The following BNC2 variants were observed in gnomAD, a reference collection of about 807,000 sequenced individuals.
BNC2 encodes zinc finger protein basonuclin-2.
A neutral mutation model predicts 76.3 loss-of-function variants in BNC2; 20 were observed. The ratio of observed to expected loss-of-function variants is 0.26; its 90% CI spans 0.18 to 0.38. The LOEUF is 0.38. BNC2 is among the 10% of genes least tolerant of loss of function. The pLI is 1.00. For synonymous variants in BNC2, 582 were observed against 514.8 expected (o/e 1.13, Z -1.77); for missense variants, 1,382 against 1,399.8 (o/e 0.99, Z 0.20).
chr9:16,727,765 GAAAA>G, intron 3 of BNC2, 28 bp downstream of exon 3: 1 of 1,505,056 alleles, frequency 6.6e-7, no homozygotes, highest in Non-Finnish European at 9.1e-7. Flanking sequence ...TTAAAAAAAA[GAAAA>G]AAAAAATCAA....
intron 3 of BNC2, among the ~76,000 whole-genome samples, chr9:16,712,152 C>T (rs10283606): frequency 0.87 from 133,168 of 152,220 alleles, 58,618 homozygotes; most frequent in Non-Finnish European, 0.93. Flanking sequence ...AGTTTACACA[C>T]GCAAAACACA....
At chr9:16,744,545 T>C (rs1563923821) in intron 1 of BNC2, among the ~76,000 whole-genome samples, 1 of 152,228 alleles carries the variant, frequency 6.6e-6, no homozygotes, top group Non-Finnish European at 1.5e-5. Flanking sequence ...CAAGTACTTA[T>C]CTCTGTCTTC....
chr9:16,660,918 C>T (rs777904905), intron 3 of BNC2, among the ~76,000 whole-genome samples: 12 of 151,984 alleles, frequency 7.9e-5, no homozygotes, highest in Non-Finnish European at 1.8e-4. Context: ...CATAGTAATG[C>T]CATTTATAAG....
At position 16,860,217 on chromosome 9, in the gene BNC2, G is replaced by A. The variant is rs77956438; in HGVS notation, c.3+10429C>T. ...AGTCAACTTCTAAGGAACTAAGAAT[G>A]GCTAAAACAATCTTGAAAAAGAAGA... On this transcript the variant is annotated intron_variant, in intron 1 of 6. Coordinates refer to ENST00000380672, the MANE Select transcript of BNC2 (RefSeq NM_017637.6). Among the ~76,000 whole-genome samples, 1,064 of 152,198 alleles carry A rather than the reference G, an allele frequency of 7.0e-3. 12 individuals carry two copies. The highest frequency in any genetic ancestry group is 0.025 in the African/African-American group (1,018 of 41,530).
chr9:16,520,678 T>C (rs1168931577), intron 5 of BNC2, among the ~76,000 whole-genome samples: 4 of 152,174 alleles, frequency 2.6e-5, no homozygotes, highest in Non-Finnish European at 5.9e-5. Flanking sequence ...TCTGAATCCA[T>C]ATCATTCCTG....
chr9:16,530,807 G>A (rs529173543), intron 5 of BNC2, among the ~76,000 whole-genome samples: 3 of 152,284 alleles, frequency 2.0e-5, no homozygotes, highest in African/African-American at 7.2e-5. Context: ...CTGACGCACG[G>A]CCAGCCAGCA....
chr9:16,809,265 T>C (rs1429225749), intron 1 of BNC2, among the ~76,000 whole-genome samples: 1 of 152,066 alleles, frequency 6.6e-6, no homozygotes, highest in Non-Finnish European at 1.5e-5. Flanking sequence ...CCTGGATCAC[T>C]CTCTGATGAC....
chr9:16,821,630 G>A (rs758538858), intron 1 of BNC2, among the ~76,000 whole-genome samples: 21 of 152,242 alleles, frequency 1.4e-4, no homozygotes, highest in South Asian at 8.3e-4. Context: ...AAGTTGCAAG[G>A]AGCTTGGGAA....
chr9:16,676,338 T>C (rs904158114), intron 3 of BNC2, among the ~76,000 whole-genome samples: 1 of 152,212 alleles, frequency 6.6e-6, no homozygotes, highest in African/African-American at 2.4e-5. Context: ...ACAAAATCCA[T>C]GCATAGGCAC....
At chr9:16,552,461 C>T (rs1337965264) in intron 5 of BNC2, 69 bp downstream of exon 5, 2 of 1,372,830 alleles carry the variant, frequency 1.5e-6, no homozygotes, top group African/African-American at 1.4e-5. Context: ...CGAGGTTTGT[C>T]AAGGACTCTC....
At chr9:16,627,740 T>C (rs1821039536) in intron 3 of BNC2, among the ~76,000 whole-genome samples, 1 of 152,180 alleles carries the variant, frequency 6.6e-6, no homozygotes, top group Non-Finnish European at 1.5e-5. Context: ...AAGAGTTCAC[T>C]CCAGTTAAAG....
At chr9:16,641,958 G>A (rs1821503047) in intron 3 of BNC2, among the ~76,000 whole-genome samples, 2 of 152,124 alleles carry the variant, frequency 1.3e-5, no homozygotes, top group Admixed American at 1.3e-4. Flanking sequence ...AAAAGTCACA[G>A]GCAAATATCT....
intron 3 of BNC2, among the ~76,000 whole-genome samples, chr9:16,675,145 C>G (rs908413169): frequency 1.3e-5 from 2 of 152,198 alleles, no homozygotes; most frequent in African/African-American, 4.8e-5. Context: ...AATGTAGCCT[C>G]CTTGCATTCT....
chr9:16,743,718 T>C lies in BNC2; in HGVS notation c.4-5233A>G, dbSNP rs370356674. Among the ~76,000 whole-genome samples the C allele has an allele frequency of 4.6e-5, 7 of 152,234 alleles. No individual in the cohort carries two copies. In the East Asian group the frequency reaches 1.2e-3, roughly 25 times the overall value. ...CAGTTCTGAAAATGAAGGTTTGGGGTTCTTTCCATTCACATGATGGGTATA... is the reference window on the plus strand; with the variant it reads ...CAGTTCTGAAAATGAAGGTTTGGGGCTCTTTCCATTCACATGATGGGTATA... On this transcript the variant is annotated intron_variant, in intron 1 of 6. Coordinates refer to ENST00000380672, the MANE Select transcript of BNC2 (RefSeq NM_017637.6).
At chr9:16,551,762 A>C (rs1403996250) in intron 5 of BNC2, among the ~76,000 whole-genome samples, 2 of 152,202 alleles carry the variant, frequency 1.3e-5, no homozygotes, top group African/African-American at 2.4e-5. Flanking sequence ...TCAGAGGCAA[A>C]GTATACAGTG....
chr9:16,721,616 T>C (rs1318074121), intron 3 of BNC2, among the ~76,000 whole-genome samples: 1 of 152,170 alleles, frequency 6.6e-6, no homozygotes, highest in African/African-American at 2.4e-5. Flanking sequence ...GATTTTCAAA[T>C]GGCGAATTAT....
chr9:16,435,465 A>AAGT (rs1820987807), intron 6 of BNC2, 90 bp downstream of exon 6: 1 of 1,466,138 alleles, frequency 6.8e-7, no homozygotes, highest in Admixed American at 1.7e-5. Context: ...AAAAACATCT[A>AAGT]AGTTGGATTT....
chr9:16,708,485 A>G (rs1823742231), intron 3 of BNC2, among the ~76,000 whole-genome samples: 1 of 152,164 alleles, frequency 6.6e-6, no homozygotes, highest in African/African-American at 2.4e-5. Context: ...TGCACATGCA[A>G]GCAAAGGCAG....
At chr9:16,852,999 C>A (rs996956954) in intron 1 of BNC2, among the ~76,000 whole-genome samples, 13 of 152,152 alleles carry the variant, frequency 8.5e-5, no homozygotes, top group African/African-American at 1.4e-4. Flanking sequence ...TGGGATTTCA[C>A]TGCAGGTATG....
Sources: allele counts gnomAD v4.1 joint callset (sites outside exome capture counted in the v4.1 genomes callset), GRCh38; gene constraint gnomAD v4.1.1; transcripts MANE v1.5; gene names NCBI Gene and HGNC (gene_info 2026-07-23, HGNC 2026-07-21).